The following SLC12A8 variants were observed in gnomAD, a reference collection of about 807,000 sequenced individuals.
SLC12A8 encodes cation-chloride cotransporter 9.
In SLC12A8, 69 loss-of-function variants were observed where a neutral mutation model predicts 75.6. The observed-to-expected ratio is 0.91, with a 90% CI of 0.75 to 1.11. SLC12A8 has a LOEUF of 1.11. SLC12A8 is among the 50% of genes most tolerant of loss of function. The pLI is 0.00. For missense variants in SLC12A8, 877 were observed against 896.7 expected (o/e 0.98, Z 0.28); for synonymous variants, 365 against 372.8 (o/e 0.98, Z 0.24).
intron 7 of SLC12A8, chr3:125,119,200 G>GT (rs936681891): frequency 1.1e-4 from 18 of 159,348 alleles, no homozygotes; most frequent in Non-Finnish European, 1.4e-4. Flanking sequence ...GAAGTGAGCA[G>GT]TTTTTTTTCT....
chr3:125,102,064 T>C (rs2107738314), intron 10 of SLC12A8, among the ~76,000 whole-genome samples: 1 of 152,316 alleles, frequency 6.6e-6, no homozygotes, highest in South Asian at 2.1e-4. Context: ...ACAAATGTGA[T>C]ATAAATATGA....
intron 4 of SLC12A8, among the ~76,000 whole-genome samples, chr3:125,182,713 G>A (rs985268951): frequency 6.6e-6 from 1 of 152,014 alleles, no homozygotes; most frequent in Non-Finnish European, 1.5e-5. Context: ...TCACCATATC[G>A]GTCAGGCTGG....
chr3:125,190,148 G>A (rs1156989933), intron 3 of SLC12A8, among the ~76,000 whole-genome samples: 1 of 152,164 alleles, frequency 6.6e-6, no homozygotes, highest in African/African-American at 2.4e-5. Context: ...CTCCTATTCT[G>A]CAGTTAAATC....
intron 6 of SLC12A8, among the ~76,000 whole-genome samples, chr3:125,133,874 G>T (rs1270253374): frequency 6.6e-6 from 1 of 152,084 alleles, no homozygotes; most frequent in Non-Finnish European, 1.5e-5. Context: ...CGCCAGGCCA[G>T]GAATATATTT....
chr3:125,108,211 A>T (rs1024605128), intron 9 of SLC12A8, 85 bp from the exon 10 acceptor site: 42 of 1,356,382 alleles, frequency 3.1e-5, no homozygotes, highest in Non-Finnish European at 4.1e-5. Context: ...CTAGAAACAC[A>T]ACTCATAATG....
intron 6 of SLC12A8, among the ~76,000 whole-genome samples, chr3:125,128,555 C>T (rs1469348468): frequency 6.6e-6 from 1 of 151,368 alleles, no homozygotes; most frequent in Admixed American, 6.6e-5. Context: ...TCTTGGCTCA[C>T]CGCAACCTCT....
chr3:125,138,850 AC>A (rs1353144238), intron 5 of SLC12A8, among the ~76,000 whole-genome samples: 25 of 53,810 alleles, frequency 4.6e-4, no homozygotes, highest in Middle Eastern at 0.013. Context: ...TACAAAACAC[AC>A]ACACACACAC....
chr3:125,205,761 C>G (rs1935215755), intron 2 of SLC12A8, among the ~76,000 whole-genome samples: 1 of 152,276 alleles, frequency 6.6e-6, no homozygotes, highest in African/African-American at 2.4e-5. Flanking sequence ...GGCATTTGGT[C>G]CCTTCCAAAG....
chr3:125,128,213 C>T (rs1362638400), intron 6 of SLC12A8, among the ~76,000 whole-genome samples: 3 of 122,760 alleles, frequency 2.4e-5, no homozygotes, highest in Non-Finnish European at 5.1e-5. Flanking sequence ...CGGAGTCTCG[C>T]TCTGTCGCCC....
chr3:125,164,997 A>G (rs546553583), intron 5 of SLC12A8, among the ~76,000 whole-genome samples: 13 of 152,326 alleles, frequency 8.5e-5, no homozygotes, highest in Non-Finnish European at 1.9e-4. Context: ...CTATTCTGAG[A>G]CTTTCTTCCT....
rs1015804468 is a variant in SLC12A8, at chr3:125,083,235, C to G, written c.*655G>C. 1 of 152,052 alleles carries G rather than the reference C, an allele frequency of 6.6e-6. No homozygotes were observed. The highest frequency in any genetic ancestry group is 6.5e-5 in the Admixed American group (1 of 15,278). The allele number at this position is 152,052 out of a possible 1,614,324, so 9.4% of individuals were successfully genotyped here. ...AATATAAAACATACACTTATTGTGG[C>G]CCTCTGCACAAGCAATCTGGTTGTG... On this transcript the variant is annotated 3_prime_UTR_variant, in exon 14 of 14. Coordinates refer to ENST00000469902, the MANE Select transcript of SLC12A8 (RefSeq NM_024628.6).
chr3:125,150,496 T>G (rs1257119928), intron 5 of SLC12A8, among the ~76,000 whole-genome samples: 1 of 152,202 alleles, frequency 6.6e-6, no homozygotes, highest in African/African-American at 2.4e-5. Context: ...CATAAGAATT[T>G]CCAGTATGCT....
chr3:125,152,957 G>A (rs1460295116), intron 5 of SLC12A8, among the ~76,000 whole-genome samples: 1 of 152,146 alleles, frequency 6.6e-6, no homozygotes, highest in African/African-American at 2.4e-5. Flanking sequence ...GGGAGGATGG[G>A]AGGAAGAAAG....
chr3:125,154,822 C>T (rs1376768645), intron 5 of SLC12A8: 1 of 152,194 alleles, frequency 6.6e-6, no homozygotes, highest in Non-Finnish European at 1.5e-5. Flanking sequence ...GCTGTATGCA[C>T]CCTTCTTCTT....
Position 125,176,236 on chromosome 3 carries a change from A to AT in SLC12A8, c.622+1506dup, listed in dbSNP as rs560185693. ...AGCATCAAACAGATCTCGCTAAATA[A>AT]TTTTTTTTGTATTTAGTAGAGACAG... On this transcript the variant is annotated intron_variant, in intron 5 of 13. Transcript: ENST00000469902. Among the ~76,000 whole-genome samples the AT allele has an allele frequency of 1.5e-3, 222 of 152,064 alleles. 1 individual carries two copies. The highest frequency in any genetic ancestry group is 1.9e-3 in the African/African-American group (79 of 41,484).
intron 5 of SLC12A8, among the ~76,000 whole-genome samples, chr3:125,149,266 G>A (rs1000715): frequency 0.2 from 30,779 of 152,176 alleles, 3,887 homozygotes; most frequent in African/African-American, 0.36. Context: ...GGCCTCTTCA[G>A]CCCATGGCTC....
intron 2 of SLC12A8, among the ~76,000 whole-genome samples, chr3:125,198,450 T>C (rs991026963): frequency 8.6e-5 from 13 of 152,022 alleles, no homozygotes; most frequent in African/African-American, 2.7e-4. Flanking sequence ...CTGGCCAATA[T>C]GGTGAAACCC....
chr3:125,084,375 G>C (rs1181475566), intron 13 of SLC12A8, among the ~76,000 whole-genome samples: 4 of 152,088 alleles, frequency 2.6e-5, no homozygotes, highest in South Asian at 2.1e-4. Context: ...GGGCTCTGTA[G>C]CTTTTCTTTG....
rs759807301 is a variant in SLC12A8, at chr3:125,091,530, A to G, written c.1830T>C (p.Phe610=). 6.2e-6 allele frequency: 10 copies of G among 1,613,784 alleles called. No individual in the cohort carries two copies. The highest frequency in any genetic ancestry group is 5.0e-5 in the Admixed American group (3 of 59,984). ...CCAGGGTATACACCCACTGTATCAC[A>G]AACATGATGAGAAGGGACCCAACAG... ...LGAVGSLLIM[F]VIQWVYTLVN... is the part of the protein sequence containing the mutation. The change falls in exon 12 of 14, where the codon TTT becomes TTC. Residue 610 remains phenylalanine (F), a synonymous_variant. Coordinates refer to ENST00000469902, the MANE Select transcript of SLC12A8 (RefSeq NM_024628.6).
Sources: allele counts gnomAD v4.1 joint callset (sites outside exome capture counted in the v4.1 genomes callset), GRCh38; gene constraint gnomAD v4.1.1; transcripts MANE v1.5; gene names NCBI Gene and HGNC (gene_info 2026-07-23, HGNC 2026-07-21).